ZBTB46: variants seen among roughly 807,000 people sequenced by gnomAD.
ZBTB46 encodes zinc finger and BTB domain containing 46.
Under a neutral mutation model 44.1 loss-of-function variants are expected in ZBTB46, and 8 were observed. The ratio of observed to expected loss-of-function variants is 0.18; its 90% CI spans 0.11 to 0.33. The LOEUF is 0.33. ZBTB46 is among the 10% of genes least tolerant of loss of function. The pLI is 1.00. For missense variants in ZBTB46, 651 were observed against 847.7 expected (o/e 0.77, Z 2.88); for synonymous variants, 409 against 382.3 (o/e 1.07, Z -0.81).
chr20:63,778,272 C>T (rs140137452), intron 2 of ZBTB46, among the ~76,000 whole-genome samples: 7 of 152,280 alleles, frequency 4.6e-5, no homozygotes, highest in Admixed American at 2.0e-4. Context: ...CGGATTCCTC[C>T]GAGTGTCAGC....
Position 63,790,652 on chromosome 20 carries a change from C to T in ZBTB46, c.106G>A (p.Val36Ile). Residue 36 changes from valine (V) to isoleucine (I), a missense_variant, in exon 2 of 5, where the codon GTC becomes ATC. By Grantham distance (29) the Val-to-Ile change is conservative. Transcript: ENST00000245663. ...GCCTTGAAGACCTTGCCCTCCACGACCACGCAGACGTCGCACAGGACGCCG... is the reference window on the plus strand; with the variant it reads ...GCCTTGAAGACCTTGCCCTCCACGATCACGCAGACGTCGCACAGGACGCCG... Reference protein sequence around the residue: ...QHGVLCDVCVVVEGKVFKAHK... With the variant: ...QHGVLCDVCVIVEGKVFKAHK... The T allele has an allele frequency of 1.2e-6, 2 of 1,611,780 alleles. No homozygotes were observed. Among genetic ancestry groups the T allele is most frequent in the Non-Finnish European group, 8.5e-7 (1 of 1,180,032 alleles).
At chr20:63,811,117 C>T (rs1234384986) in intron 1 of ZBTB46, among the ~76,000 whole-genome samples, 13 of 152,204 alleles carry the variant, frequency 8.5e-5, no homozygotes, top group African/African-American at 3.1e-4. Context: ...TGGGCATGAG[C>T]CCCACCCCGC....
chr20:63,821,391 G>A (rs946248161), intron 1 of ZBTB46, among the ~76,000 whole-genome samples: 3 of 150,838 alleles, frequency 2.0e-5, no homozygotes, highest in Non-Finnish European at 4.4e-5. Flanking sequence ...GGGCTCAAAC[G>A]CTCCTCCTGC....
At chr20:63,829,159 C>T (rs902544193) in intron 1 of ZBTB46, among the ~76,000 whole-genome samples, 13 of 152,154 alleles carry the variant, frequency 8.5e-5, no homozygotes, top group African/African-American at 2.9e-4. Flanking sequence ...TGGGGAGGGA[C>T]GGAGGACGCA....
Position 63,790,499 on chromosome 20 carries a change from T to C in ZBTB46, c.259A>G (p.Ile87Val). Residue 87 changes from isoleucine to valine, a missense_variant, in exon 2 of 5, where the codon ATC (isoleucine) becomes GTC (valine). Physicochemically the swap from Ile to Val is conservative, Grantham distance 29. Transcript: ENST00000245663. ...IVTAQGFKAI[I>V]DFMYSAHLAL... ...AGGTGCGCTGAGTACATGAAGTCGA[T>C]GATGGCCTTGAAGCCCTGGGCCGTG... The C allele has an allele frequency of 6.2e-7, 1 of 1,613,172 alleles. No individual in the cohort carries two copies. The highest frequency in any genetic ancestry group is 8.5e-7 in the Non-Finnish European group (1 of 1,179,620).
chr20:63,747,302 C>G lies in ZBTB46; in HGVS notation c.1399-1G>C. 7.7e-7 allele frequency: 1 copy of G among 1,295,652 alleles called. No homozygotes were observed. The highest frequency in any genetic ancestry group is 9.9e-7 in the Non-Finnish European group (1 of 1,008,480). The allele number at this position is 1,295,652 out of a possible 1,614,324, so 80.3% of individuals were successfully genotyped here. ...CATACTTCTTGTCCTTGCTGTGGAC[C>G]TGCAGAGGCAGGGCAGGGGGTGAGC... On this transcript the variant is annotated splice_acceptor_variant, in intron 4 of 4. Transcript: ENST00000245663. LOFTEE classifies it high-confidence loss of function.
At chr20:63,776,649 C>T (rs1472209216) in intron 2 of ZBTB46, among the ~76,000 whole-genome samples, 1 of 151,926 alleles carries the variant, frequency 6.6e-6, no homozygotes, top group Admixed American at 6.6e-5. Flanking sequence ...ACTAAAAATA[C>T]AAAAATTAGC....
chr20:63,828,683 C>T (rs2092832388), intron 1 of ZBTB46, among the ~76,000 whole-genome samples: 1 of 152,282 alleles, frequency 6.6e-6, no homozygotes, highest in Non-Finnish European at 1.5e-5. Flanking sequence ...CCACGGCAGA[C>T]GCCGTGACAC....
At chr20:63,820,105 T>G (rs1048424623) in intron 1 of ZBTB46, among the ~76,000 whole-genome samples, 25 of 150,472 alleles carry the variant, frequency 1.7e-4, no homozygotes, top group Non-Finnish European at 3.1e-4. Flanking sequence ...CACTTTTTTT[T>G]TTGTTTGAGA....
chr20:63,822,690 TGA>T (rs1332825052), intron 1 of ZBTB46, among the ~76,000 whole-genome samples: 1 of 151,780 alleles, frequency 6.6e-6, no homozygotes, highest in African/African-American at 2.4e-5. Context: ...CACGAAAACA[TGA>T]GAGTGAAGCC....
chr20:63,807,119 C>G (rs1356382207), intron 1 of ZBTB46, among the ~76,000 whole-genome samples: 1 of 151,950 alleles, frequency 6.6e-6, no homozygotes, highest in African/African-American at 2.4e-5. Flanking sequence ...TGATAGAATT[C>G]AACAGTGAAG....
At chr20:63,773,153 G>A (rs2092391185) in intron 3 of ZBTB46, among the ~76,000 whole-genome samples, 1 of 151,880 alleles carries the variant, frequency 6.6e-6, no homozygotes, top group African/African-American at 2.4e-5. Flanking sequence ...CATGGACGGA[G>A]CCACACCCAG....
At position 63,774,703 on chromosome 20, in the gene ZBTB46, TTTTTTTG is replaced by T. The variant is rs1438994864; in HGVS notation, c.1222+968_1222+974del. Among the ~76,000 whole-genome samples, 70 of 144,198 alleles carry T rather than the reference TTTTTTTG, an allele frequency of 4.9e-4. 19 individuals carry two copies. The highest frequency in any genetic ancestry group is 6.6e-4 in the Non-Finnish European group (43 of 65,346). 94.6% of individuals were successfully genotyped at this position (144,198 alleles called of 152,430 possible). Reference sequence around the variant, plus strand: ...GGCTGCGGTGGGTTTTTTTTGTTTTTTTTTTTGTTTTTTTTTTTGAGACAGAGTCTCC... The same window carrying T: ...GGCTGCGGTGGGTTTTTTTTGTTTTTTTTTTTTTTTTGAGACAGAGTCTCC... On this transcript the variant is annotated intron_variant, in intron 3 of 4. Coordinates refer to ENST00000245663, the MANE Select transcript of ZBTB46 (RefSeq NM_001369741.1).
intron 1 of ZBTB46, among the ~76,000 whole-genome samples, chr20:63,793,446 A>G (rs1352593481): frequency 1.3e-5 from 2 of 152,110 alleles, no homozygotes; most frequent in East Asian, 1.9e-4. Flanking sequence ...CAACCATTCA[A>G]TCCCGAAGCT....
At chr20:63,750,015 G>A (rs578030414) in intron 4 of ZBTB46, among the ~76,000 whole-genome samples, 2 of 152,384 alleles carry the variant, frequency 1.3e-5, no homozygotes, top group South Asian at 2.1e-4. Context: ...GCCCTGCCAA[G>A]GCATGGGGGG....
rs371265266 is a variant in ZBTB46, at chr20:63,803,026, C to T, written c.-33-12236G>A. The stretch of plus-strand genomic sequence containing the variant: ...GCCCCGTTTCTACCACCAAAGAGCG[C>T]GATGCCACAGACGCCAACAGGAGGA... On this transcript the variant is annotated intron_variant, in intron 1 of 4. Coordinates refer to ENST00000245663, the MANE Select transcript of ZBTB46 (RefSeq NM_001369741.1). The surrounding 1 kb of genome is among the most constrained non-coding windows in gnomAD (Gnocchi z 4.0). Among the ~76,000 whole-genome samples the T allele has an allele frequency of 2.8e-4, 43 of 152,170 alleles. No individual in the cohort carries two copies. The highest frequency in any genetic ancestry group is 6.2e-4 in the South Asian group (3 of 4,832).
intron 1 of ZBTB46, among the ~76,000 whole-genome samples, chr20:63,796,394 C>T (rs1376742286): frequency 6.6e-6 from 1 of 152,228 alleles, no homozygotes; most frequent in Non-Finnish European, 1.5e-5. Flanking sequence ...CGTCTAATTC[C>T]AAACCACTCA....
At chr20:63,805,193 ACAGG>A (rs2145999856) in intron 1 of ZBTB46, among the ~76,000 whole-genome samples, 1 of 152,250 alleles carries the variant, frequency 6.6e-6, no homozygotes, top group Admixed American at 6.5e-5. Flanking sequence ...TGCTGGGATT[ACAGG>A]CATGAGCCAC....
At chr20:63,794,324 T>C (rs1465909510) in intron 1 of ZBTB46, among the ~76,000 whole-genome samples, 2 of 152,088 alleles carry the variant, frequency 1.3e-5, no homozygotes, top group Non-Finnish European at 2.9e-5. Context: ...CCCAAGTAGC[T>C]AGGACCACAG....
Sources: gnomAD v4.1 joint callset for allele counts (sites outside exome capture counted in the v4.1 genomes callset) on GRCh38, gnomAD v4.1.1 for gene constraint, Gnocchi (gnomAD v3.1) non-coding constraint, MANE v1.5 for transcripts, NCBI Gene and HGNC (gene_info 2026-07-23, HGNC 2026-07-21) for gene names.